The following CCPG1 variants were observed in gnomAD, a reference collection of about 807,000 sequenced individuals.
The protein encoded by CCPG1 is cell cycle progression protein 1.
In CCPG1, 46 loss-of-function variants were observed where a neutral mutation model predicts 81.3. The ratio of observed to expected loss-of-function variants is 0.57; its 90% CI spans 0.45 to 0.72. CCPG1 has a LOEUF of 0.72. Among genes scored for constraint, CCPG1 ranks in the 30% least tolerant of loss-of-function variants. CCPG1 has a pLI of 0.00. For missense variants in CCPG1, 902 were observed against 937.6 expected (o/e 0.96, Z 0.50); for synonymous variants, 330 against 305.2 (o/e 1.08, Z -0.85).
At chr15:55,371,236 A>C (rs1040841654) in intron 6 of CCPG1, among the ~76,000 whole-genome samples, 8 of 152,254 alleles carry the variant, frequency 5.3e-5, no homozygotes, top group Admixed American at 5.2e-4. Flanking sequence ...TAAGATAATC[A>C]ACATATATAA....
Position 55,371,716 on chromosome 15 carries a change from G to A in CCPG1, c.706+77C>T, listed in dbSNP as rs1020085685. On this transcript the variant is annotated intron_variant, in intron 6 of 8. Transcript: ENST00000442196. The stretch of plus-strand genomic sequence containing the variant: ...ACATTTAATAATGGCACTGAAAACA[G>A]ATCCCAAGAGTCCTCACTCTTAAGT... The A allele has an allele frequency of 5.0e-6, 7 of 1,409,028 alleles. No individual in the cohort carries two copies. In the African/African-American group the frequency reaches 5.7e-5, roughly 12 times the overall value. The allele number at this position is 1,409,028 out of a possible 1,614,324, so 87.3% of individuals were successfully genotyped here.
At position 55,378,222 on chromosome 15, in the gene CCPG1, T is replaced by C. The variant is rs1248995749; in HGVS notation, c.252+78A>G. The C allele has an allele frequency of 2.8e-5, 24 of 850,342 alleles. No homozygotes were observed. The Admixed American group carries it at 6.2e-4, about 22-fold the overall frequency. The allele number at this position is 850,342 out of a possible 1,614,324, so 52.7% of individuals were successfully genotyped here. A position where few individuals can be genotyped will look rare whatever the true frequency, so the allele number is the denominator to read the frequency against. ...TAATTCAAAATAGGAATAGAATGCA[T>C]AAATAGAATTAGAGGCTTTAAATAG... On this transcript the variant is annotated intron_variant, in intron 4 of 8. Coordinates refer to ENST00000442196, the MANE Select transcript of CCPG1 (RefSeq NM_001204450.2).
In CCPG1 at chr15:55,385,668, C is replaced by G. The variant is rs202052008; in HGVS notation, c.107G>C (p.Cys36Ser). 1.2e-6 allele frequency: 2 copies of G among 1,612,554 alleles called. No homozygotes were observed. Among genetic ancestry groups the G allele is most frequent in the Non-Finnish European group, 1.7e-6 (2 of 1,178,772 alleles). Residue 36 changes from cysteine to serine, a missense_variant, in exon 3 of 9, where the codon TGT (cysteine) becomes TCT (serine). Transcript: ENST00000442196. The part of the protein sequence containing the change: ...MLNSVTPTDS[C>S]EPAPECSSLE... ...AGATGAACATTCTGGGGCGGGCTCA[C>G]AGCTGTCAGTGGGGGTCACAGAATT...
At position 55,360,010 on chromosome 15, in the gene CCPG1, A is replaced by C; in HGVS notation, c.1763T>G (p.Met588Arg). 1.2e-6 allele frequency: 2 copies of C among 1,613,116 alleles called. No individual in the cohort carries two copies. The highest frequency in any genetic ancestry group is 1.7e-6 in the Non-Finnish European group (2 of 1,179,832). ...TENHHNRGPTMQNDGRKEKPV... is the reference protein window; with the variant it reads ...TENHHNRGPTRQNDGRKEKPV... ...CTTTTCTTTCCTTCCATCATTTTGC[A>C]TAGTAGGGCCTCTATTATGATGGTT... The change falls in exon 8 of 9, where the codon ATG becomes AGG. Residue 588 changes from methionine to arginine, a missense_variant. Met to Arg is a moderately conservative substitution (Grantham distance 91). Transcript: ENST00000442196.
chr15:55,374,217 T>C (rs2141274794), intron 5 of CCPG1: 1 of 1,288,756 alleles, frequency 7.8e-7, no homozygotes. Flanking sequence ...CCATATGCAC[T>C]CAGGAATCTT....
chr15:55,398,588 CT>C (rs879725182), intron 1 of CCPG1, among the ~76,000 whole-genome samples: 66 of 146,640 alleles, frequency 4.5e-4, no homozygotes, highest in Non-Finnish European at 4.2e-4. Context: ...CTAATGAAAA[CT>C]TTTTTTTTTT....
chr15:55,372,482 G>A (rs1006046551), intron 5 of CCPG1: 8 of 194,826 alleles, frequency 4.1e-5, no homozygotes, highest in South Asian at 8.9e-5. Context: ...CCAACATGGC[G>A]AAACCCCTTC....
At chr15:55,386,391 A>G (rs1164425869) in intron 2 of CCPG1, among the ~76,000 whole-genome samples, 1 of 152,198 alleles carries the variant, frequency 6.6e-6, no homozygotes, top group Non-Finnish European at 1.5e-5. Context: ...TTCTGAGGTT[A>G]TCTTTCCTAC....
intron 6 of CCPG1, among the ~76,000 whole-genome samples, chr15:55,367,535 AATTCCAAG>A (rs1478814271): frequency 6.6e-6 from 1 of 152,040 alleles, no homozygotes; most frequent in Non-Finnish European, 1.5e-5. Flanking sequence ...TCCTATTAAG[AATTCCAAG>A]CTACAGATCT....
intron 1 of CCPG1, among the ~76,000 whole-genome samples, chr15:55,397,245 A>T (rs1377280643): frequency 1.3e-5 from 2 of 152,080 alleles, no homozygotes; most frequent in East Asian, 3.9e-4. Flanking sequence ...AAAACCCACA[A>T]GATAATAAAC....
At position 55,376,986 on chromosome 15, in the gene CCPG1, G is replaced by A. The variant is rs367992173; in HGVS notation, c.417C>T (p.Ser139=). 6.2e-6 allele frequency: 10 copies of A among 1,613,560 alleles called. No homozygotes were observed. In the South Asian group the frequency reaches 9.9e-5, roughly 16 times the overall value. ...GACAGAAAGTATACTGGCTGCTAGA[G>A]GAAGAGCCCATGTTAAAGTCTTCTG... The part of the protein sequence containing the change: ...QSSEDFNMGS[S]SSSQYTFCQP... The change falls in exon 5 of 9, where the codon TCC becomes TCT. Residue 139 remains serine (S), a synonymous_variant. Coordinates refer to ENST00000442196, the MANE Select transcript of CCPG1 (RefSeq NM_001204450.2).
chr15:55,356,694 C>G, intron 8 of CCPG1: 1 of 1,112,222 alleles, frequency 9.0e-7, no homozygotes, highest in Non-Finnish European at 1.1e-6. Context: ...AGATGTGTTT[C>G]CATTATTTTT....
At chr15:55,359,354 T>C in intron 8 of CCPG1, 185 bp downstream of exon 8, 1 of 1,355,488 alleles carries the variant, frequency 7.4e-7, no homozygotes, top group Non-Finnish European at 9.5e-7. Context: ...TAATGAAATG[T>C]TCCATTTGTA....
At chr15:55,381,655 T>A (rs1316513649) in intron 3 of CCPG1, among the ~76,000 whole-genome samples, 1 of 152,212 alleles carries the variant, frequency 6.6e-6, no homozygotes, top group Non-Finnish European at 1.5e-5. Context: ...TCCACTTTTT[T>A]CTCCTGAGGG....
Position 55,355,317 on chromosome 15 carries a change from A to G in CCPG1, c.*903T>C. ...AGCGCTTTCCTAATTTCAAGCAATTATAAAAGAACTGCTGTTTTCTTCCAC... is the reference window on the plus strand; with the variant it reads ...AGCGCTTTCCTAATTTCAAGCAATTGTAAAAGAACTGCTGTTTTCTTCCAC... On this transcript the variant is annotated 3_prime_UTR_variant, in exon 9 of 9. Coordinates refer to ENST00000442196, the MANE Select transcript of CCPG1 (RefSeq NM_001204450.2). 1 of 1,610,944 alleles carries G rather than the reference A, an allele frequency of 6.2e-7. No individual in the cohort carries two copies. Among genetic ancestry groups the G allele is most frequent in the Non-Finnish European group, 8.5e-7 (1 of 1,177,702 alleles).
intron 2 of CCPG1, among the ~76,000 whole-genome samples, chr15:55,389,067 TC>T (rs1249474133): frequency 5.1e-4 from 11 of 21,570 alleles, no homozygotes; most frequent in Admixed American, 3.4e-3. Flanking sequence ...AGACTCTGTC[TC>T]AAAAAAAAAA....
intron 5 of CCPG1, chr15:55,374,300 A>G (rs757982765): frequency 1.0e-6 from 1 of 955,808 alleles, no homozygotes; most frequent in South Asian, 1.5e-5. Context: ...TATTATAAAG[A>G]CTAAAAAGAA....
intron 1 of CCPG1, among the ~76,000 whole-genome samples, chr15:55,397,887 G>C (rs1469919779): frequency 6.6e-6 from 1 of 152,090 alleles, no homozygotes; most frequent in Non-Finnish European, 1.5e-5. Flanking sequence ...TGAGGCAGGA[G>C]AATCGCCTGA....
rs369324444 is a variant in CCPG1 at position 55,364,729 on chromosome 15, C to T, written c.828+459G>A. ...CTACTAAAAATACAAAAAAATTTGC[C>T]GGGCATAGAGGTGCACACCTGTAAT... On this transcript the variant is annotated intron_variant, in intron 7 of 8. Transcript: ENST00000442196. 2.2e-4 allele frequency among the ~76,000 whole-genome samples: 33 copies of T among 150,468 alleles called. 2 individuals are homozygous for T. In the South Asian group the frequency reaches 6.9e-3, roughly 32 times the overall value.
Sources: gnomAD v4.1 joint callset for allele counts (sites outside exome capture counted in the v4.1 genomes callset) on GRCh38, gnomAD v4.1.1 for gene constraint, MANE v1.5 for transcripts, NCBI Gene and HGNC (gene_info 2026-07-23, HGNC 2026-07-21) for gene names.